ITSN1: variants seen among roughly 807,000 people sequenced by gnomAD.
The protein encoded by ITSN1 is intersectin 1.
A neutral mutation model predicts 239.8 loss-of-function variants in ITSN1; 58 were observed. The observed-to-expected ratio is 0.24, with a 90% CI of 0.20 to 0.30. The LOEUF is 0.30. Among genes scored for constraint, ITSN1 ranks in the 10% least tolerant of loss-of-function variants. ITSN1 has a pLI of 1.00. For missense variants in ITSN1, 1,558 were observed against 2,103.3 expected (o/e 0.74, Z 5.07); for synonymous variants, 780 against 770.8 (o/e 1.01, Z -0.20).
chr21:33,709,458 C>T (rs561991504), intron 1 of ITSN1, among the ~76,000 whole-genome samples: 199 of 152,252 alleles, frequency 1.3e-3, no homozygotes, highest in African/African-American at 4.6e-3. Context: ...GCATGTGCCA[C>T]CATGCCTGGC....
chr21:33,829,789 C>T (rs373011719), intron 27 of ITSN1, 44 bp downstream of exon 27: 12 of 1,607,816 alleles, frequency 7.5e-6, no homozygotes, highest in African/African-American at 1.3e-5. Flanking sequence ...ATCCAAGTTT[C>T]AATACACAAA....
chr21:33,822,920 A>G (rs2073770644), intron 24 of ITSN1, among the ~76,000 whole-genome samples: 1 of 152,248 alleles, frequency 6.6e-6, no homozygotes, highest in Non-Finnish European at 1.5e-5. Context: ...TATTGTGTAT[A>G]TGGCACAATA....
At position 33,877,572 on chromosome 21, in the gene ITSN1, C is replaced by A. The variant is rs1216244244; in HGVS notation, c.4341+2051C>A. Among the ~76,000 whole-genome samples, 3 of 152,248 alleles carry A rather than the reference C, an allele frequency of 2.0e-5. No homozygotes were observed. The South Asian group carries it at 6.2e-4, about 32-fold the overall frequency. On this transcript the variant is annotated intron_variant, in intron 34 of 39. Coordinates refer to ENST00000381318, the MANE Select transcript of ITSN1 (RefSeq NM_003024.3). ...AACAGAAATGTTTTATTGCTCATCC[C>A]CTCTGAGCTTGAGTTTACCTGTCAC...
intron 7 of ITSN1, among the ~76,000 whole-genome samples, chr21:33,752,743 G>C (rs1196786978): frequency 6.6e-6 from 1 of 151,822 alleles, no homozygotes; most frequent in South Asian, 2.1e-4. Flanking sequence ...AAATGAGATG[G>C]GAGGATGGCT....
intron 30 of ITSN1, among the ~76,000 whole-genome samples, chr21:33,857,646 G>C (rs1011664917): frequency 1.3e-5 from 2 of 152,170 alleles, no homozygotes; most frequent in East Asian, 3.8e-4. Flanking sequence ...GCTGTTGGAG[G>C]AGTACAGGGT....
At chr21:33,743,461 G>A (rs1034381064) in intron 5 of ITSN1, among the ~76,000 whole-genome samples, 2 of 152,140 alleles carry the variant, frequency 1.3e-5, no homozygotes, top group Admixed American at 6.5e-5. Flanking sequence ...GTGAGACTAG[G>A]TCTCCTAAAT....
chr21:33,888,721 G>C lies in ITSN1; in HGVS notation c.*421G>C. 1 of 154,846 alleles carries C rather than the reference G, an allele frequency of 6.5e-6. No individual in the cohort carries two copies. The highest frequency in any genetic ancestry group is 1.4e-5 in the Non-Finnish European group (1 of 69,834). The allele number at this position is 154,846 out of a possible 1,614,324, so 9.6% of individuals were successfully genotyped here. ...TCTTACATCCACCAGTCCCCAAGTA[G>C]ACTTCTTGGCCTACAATGCCCAGTC... is the stretch of plus-strand genomic sequence containing the variant. On this transcript the variant is annotated 3_prime_UTR_variant, in exon 40 of 40. Coordinates refer to ENST00000381318, the MANE Select transcript of ITSN1 (RefSeq NM_003024.3).
chr21:33,662,903 TGAG>T (rs753534377), intron 1 of ITSN1, among the ~76,000 whole-genome samples: 3 of 152,216 alleles, frequency 2.0e-5, no homozygotes, highest in Admixed American at 2.0e-4. Flanking sequence ...GTGTTACAGA[TGAG>T]GACCTCGAAT....
In ITSN1 at chr21:33,767,791, A is replaced by G. The variant is rs1380221397; in HGVS notation, c.1005A>G (p.Leu335=). The G allele has an allele frequency of 3.1e-6, 5 of 1,611,288 alleles. No homozygotes were observed. The highest frequency in any genetic ancestry group is 3.4e-6 in the Non-Finnish European group (4 of 1,177,640). Residue 335 remains leucine, a synonymous_variant, in exon 11 of 40, where the codon TTA becomes TTG. Transcript: ENST00000381318. Reference sequence around the variant, plus strand: ...AGAGGCTACCAGAGGAACCAGTTTTAGAAGATGAACAACAACAATTAGAAA... The same window carrying G: ...AGAGGCTACCAGAGGAACCAGTTTTGGAAGATGAACAACAACAATTAGAAA... ...VDQRLPEEPV[L]EDEQQQLEKK...
At chr21:33,869,386 T>C (rs1982315476) in intron 33 of ITSN1, among the ~76,000 whole-genome samples, 1 of 152,176 alleles carries the variant, frequency 6.6e-6, no homozygotes, top group South Asian at 2.1e-4. Flanking sequence ...ACTCACTCAC[T>C]CTCACTAGAA....
intron 16 of ITSN1, among the ~76,000 whole-genome samples, chr21:33,787,561 C>G (rs1376222377): frequency 6.6e-6 from 1 of 152,188 alleles, no homozygotes; most frequent in Non-Finnish European, 1.5e-5. Context: ...AGCCTTTATA[C>G]TCTTGGTTTC....
chr21:33,782,909 C>T (rs1319373864), intron 16 of ITSN1, among the ~76,000 whole-genome samples: 1 of 151,832 alleles, frequency 6.6e-6, no homozygotes, highest in Non-Finnish European at 1.5e-5. Context: ...CCTGTAGTCC[C>T]AGCTACTTGG....
At chr21:33,657,394 G>A (rs2089182577) in intron 1 of ITSN1, among the ~76,000 whole-genome samples, 1 of 152,040 alleles carries the variant, frequency 6.6e-6, no homozygotes, top group Non-Finnish European at 1.5e-5. Flanking sequence ...CTATTTCCTT[G>A]CCCTGTTGCT....
intron 11 of ITSN1, among the ~76,000 whole-genome samples, chr21:33,770,323 A>T (rs1400475532): frequency 6.6e-6 from 1 of 152,144 alleles, no homozygotes; most frequent in Non-Finnish European, 1.5e-5. Flanking sequence ...TCGGCCTCCC[A>T]AAGTGCTGGG....
rs1215995765 is a variant in ITSN1 at position 33,821,187 on chromosome 21, C to T, written c.3016+1864C>T. 2.6e-5 allele frequency among the ~76,000 whole-genome samples: 4 copies of T among 152,184 alleles called. No homozygotes were observed. In the South Asian group the frequency reaches 8.3e-4, roughly 32 times the overall value. Reference sequence around the variant, plus strand: ...GGAGGAGTGTTTGTTTGTTTTGAGACATGTACTGAGGACTCAATAAATAGG... The same window carrying T: ...GGAGGAGTGTTTGTTTGTTTTGAGATATGTACTGAGGACTCAATAAATAGG... On this transcript the variant is annotated intron_variant, in intron 24 of 39. Transcript: ENST00000381318.
intron 31 of ITSN1, among the ~76,000 whole-genome samples, chr21:33,859,485 C>T (rs1372673380): frequency 6.6e-6 from 1 of 152,190 alleles, no homozygotes; most frequent in African/African-American, 2.4e-5. Flanking sequence ...ATCCACCACG[C>T]TCTCATTGTA....
chr21:33,792,891 C>CAAA (rs2071254672), intron 16 of ITSN1, among the ~76,000 whole-genome samples: 1 of 151,750 alleles, frequency 6.6e-6, no homozygotes, highest in Non-Finnish European at 1.5e-5. Context: ...TTTCCTCCTT[C>CAAA]CCCCTTCCTT....
At chr21:33,790,492 T>C (rs2071035147) in intron 16 of ITSN1, among the ~76,000 whole-genome samples, 1 of 152,048 alleles carries the variant, frequency 6.6e-6, no homozygotes, top group South Asian at 2.1e-4. Flanking sequence ...TTGAATAGAA[T>C]TCATAAAAGA....
Position 33,722,643 on chromosome 21 carries a change from A to G in ITSN1, c.177A>G (p.Ala59=), listed in dbSNP as rs999308393. ...CTGGGTTACCTCAACCTGTTTTAGC[A>G]CAGATATGGTAAGTTGGAATTTTAC... ...FQSGLPQPVL[A]QIWALADMNN... Residue 59 remains alanine (A), a synonymous_variant, in exon 4 of 40, where the codon GCA becomes GCG. Coordinates refer to ENST00000381318, the MANE Select transcript of ITSN1 (RefSeq NM_003024.3). The G allele has an allele frequency of 1.1e-5, 17 of 1,574,688 alleles. No individual in the cohort carries two copies. Among genetic ancestry groups the G allele is most frequent in the Non-Finnish European group, 1.2e-5 (14 of 1,166,812 alleles).
Sources: gnomAD v4.1 joint callset for allele counts (sites outside exome capture counted in the v4.1 genomes callset) on GRCh38, gnomAD v4.1.1 for gene constraint, MANE v1.5 for transcripts, NCBI Gene and HGNC (gene_info 2026-07-23, HGNC 2026-07-21) for gene names.